The following UBE2O variants were observed in gnomAD, a reference collection of about 807,000 sequenced individuals.
UBE2O encodes ubiquitin conjugating enzyme E2 O.
Under a neutral mutation model 125.8 loss-of-function variants are expected in UBE2O, and 15 were observed. That is an observed-to-expected ratio of 0.12 (90% CI 0.08 to 0.18). UBE2O has a LOEUF of 0.18. UBE2O is among the 10% of genes least tolerant of loss of function. The pLI is 1.00. For synonymous variants in UBE2O, 708 were observed against 703.2 expected, an observed-to-expected ratio of 1.01 and a Z score of -0.11; for missense variants, 1,280 against 1,723.6, an observed-to-expected ratio of 0.74 and a Z score of 4.56.
At chr17:76,434,829 C>T (rs2072962869) in intron 1 of UBE2O, among the ~76,000 whole-genome samples, 1 of 150,940 alleles carries the variant, frequency 6.6e-6, no homozygotes, top group Admixed American at 6.6e-5. Context: ...TTGTCTCTGC[C>T]CTCACAAAGG....
At position 76,405,015 on chromosome 17, in the gene UBE2O, C is replaced by T. The variant is rs1343847300; in HGVS notation, c.588+191G>A. ...GGGTTGGGGAAGGGCACGTCCTGAC[C>T]TCATGTCTAAATGGCTTACTTGAAA... On this transcript the variant is annotated intron_variant, in intron 3 of 17. Coordinates refer to ENST00000319380, the MANE Select transcript of UBE2O (RefSeq NM_022066.4). This position sits in a 1 kb window ranked among gnomAD's most constrained non-coding sequence, Gnocchi z 6.1. Among the ~76,000 whole-genome samples, 1 of 152,100 alleles carries T rather than the reference C, an allele frequency of 6.6e-6. No individual in the cohort carries two copies. The highest frequency in any genetic ancestry group is 1.5e-5 in the Non-Finnish European group (1 of 68,026).
intron 1 of UBE2O, among the ~76,000 whole-genome samples, chr17:76,424,799 C>T (rs1022684170): frequency 5.3e-5 from 8 of 151,530 alleles, no homozygotes; most frequent in Non-Finnish European, 8.8e-5. Flanking sequence ...GCCCGGGCAA[C>T]AGAGCAAGAC....
At position 76,398,013 on chromosome 17, in the gene UBE2O, G is replaced by A; in HGVS notation, c.2026-125C>T. The A allele has an allele frequency of 2.7e-6, 3 of 1,131,210 alleles. No homozygotes were observed. The highest frequency in any genetic ancestry group is 2.1e-5 in the Admixed American group (1 of 47,628). The allele number at this position is 1,131,210 out of a possible 1,614,324, so 70.1% of individuals were successfully genotyped here. A position where few individuals can be genotyped will look rare whatever the true frequency, so the allele number is the denominator to read the frequency against. On this transcript the variant is annotated intron_variant, in intron 12 of 17. Transcript: ENST00000319380. This position sits in a 1 kb window ranked among gnomAD's most constrained non-coding sequence, Gnocchi z 5.4. ...TGTGACAAGGAACTTAGCTCCTCTGGTAAATGTAACCAGCGGCAGCTCAAG... is the reference window on the plus strand; with the variant it reads ...TGTGACAAGGAACTTAGCTCCTCTGATAAATGTAACCAGCGGCAGCTCAAG...
intron 1 of UBE2O, among the ~76,000 whole-genome samples, chr17:76,415,034 C>T (rs1452831011): frequency 6.6e-6 from 1 of 152,182 alleles, no homozygotes; most frequent in Non-Finnish European, 1.5e-5. Flanking sequence ...TCTTGTCAGG[C>T]CTGACTGGGT....
In UBE2O at chr17:76,400,267, A is replaced by C; in HGVS notation, c.1035T>G (p.Ala345=). Residue 345 remains alanine (A), a synonymous_variant, in exon 8 of 18, where the codon GCT becomes GCG. Coordinates refer to ENST00000319380, the MANE Select transcript of UBE2O (RefSeq NM_022066.4). This position sits in a 1 kb window ranked among gnomAD's most constrained non-coding sequence, Gnocchi z 4.3. ...RVKRLGCFDH[A]QRQLGERCLY... is the part of the protein sequence containing the mutation. Reference sequence around the variant, plus strand: ...GACAGCGCTCCCCAAGCTGCCGCTGAGCATGGTCAAAGCATCCGAGACGCT... The same window carrying C: ...GACAGCGCTCCCCAAGCTGCCGCTGCGCATGGTCAAAGCATCCGAGACGCT... 2 of 1,613,952 alleles carry C rather than the reference A, an allele frequency of 1.2e-6. No individual in the cohort carries two copies. The highest frequency in any genetic ancestry group is 1.7e-6 in the Non-Finnish European group (2 of 1,179,990).
Position 76,405,586 on chromosome 17 carries a change from T to C in UBE2O, c.418-14A>G. 1 of 1,583,054 alleles carries C rather than the reference T, an allele frequency of 6.3e-7. No individual in the cohort carries two copies. The highest frequency in any genetic ancestry group is 8.6e-7 in the Non-Finnish European group (1 of 1,165,800). Reference sequence around the variant, plus strand: ...CTCTAGTTTCAGCTGTAAAAGAAAATACAGGTGTGAGAGAATGGACTCTGA... The same window carrying C: ...CTCTAGTTTCAGCTGTAAAAGAAAACACAGGTGTGAGAGAATGGACTCTGA... On this transcript the variant is annotated splice_polypyrimidine_tract_variant and intron_variant, in intron 1 of 17. Transcript: ENST00000319380. The surrounding 1 kb of genome is among the most constrained non-coding windows in gnomAD (Gnocchi z 6.1).
intron 1 of UBE2O, among the ~76,000 whole-genome samples, chr17:76,413,042 A>T (rs534143189): frequency 5.6e-4 from 85 of 152,262 alleles, no homozygotes; most frequent in African/African-American, 1.9e-3. Flanking sequence ...AAAATGAAAC[A>T]AAAAAACCCA....
At position 76,430,802 on chromosome 17, in the gene UBE2O, A is replaced by C; in HGVS notation, c.417+21923T>G. 2 of 296,836 alleles carry C rather than the reference A, an allele frequency of 6.7e-6. 1 individual carries two copies. The highest frequency in any genetic ancestry group is 6.6e-5 in the South Asian group (2 of 30,140). The allele number at this position is 296,836 out of a possible 1,614,324, so 18.4% of individuals were successfully genotyped here. A position where few individuals can be genotyped will look rare whatever the true frequency, so the allele number is the denominator to read the frequency against. On this transcript the variant is annotated intron_variant, in intron 1 of 17. Coordinates refer to ENST00000319380, the MANE Select transcript of UBE2O (RefSeq NM_022066.4). ...GATCTGACAAAGGCAAAGAAGCTGC[A>C]ACATCTTTTGGCCCTTTGGGCTCAC...
chr17:76,432,412 G>A lies in UBE2O; in HGVS notation c.417+20313C>T, dbSNP rs532358244. Among the ~76,000 whole-genome samples, 202 of 152,168 alleles carry A rather than the reference G, an allele frequency of 1.3e-3. 1 individual carries two copies. The highest frequency in any genetic ancestry group is 4.5e-3 in the African/African-American group (188 of 41,500). ...GAAAGACTTATACCCAGCATGCCAC[G>A]GTACATGTGACTGGTAAATATTTGA... On this transcript the variant is annotated intron_variant, in intron 1 of 17. Coordinates refer to ENST00000319380, the MANE Select transcript of UBE2O (RefSeq NM_022066.4).
At chr17:76,449,651 G>T (rs546986248) in intron 1 of UBE2O, among the ~76,000 whole-genome samples, 259 of 152,276 alleles carry the variant, frequency 1.7e-3, no homozygotes, top group Middle Eastern at 6.8e-3. Context: ...GGGTGCGGTG[G>T]CTCCTGCCTG....
chr17:76,439,745 G>A (rs1294139719), intron 1 of UBE2O, among the ~76,000 whole-genome samples: 3 of 152,066 alleles, frequency 2.0e-5, no homozygotes, highest in Non-Finnish European at 4.4e-5. Flanking sequence ...TGGACTTCCC[G>A]CCCAGGACGC....
At position 76,430,065 on chromosome 17, in the gene UBE2O, T is replaced by C. The variant is rs551606311; in HGVS notation, c.417+22660A>G. Among the ~76,000 whole-genome samples the C allele has an allele frequency of 2.6e-5, 4 of 152,314 alleles. No individual in the cohort carries two copies. The East Asian group carries it at 5.8e-4, about 22-fold the overall frequency. Reference sequence around the variant, plus strand: ...TTATTCCCACCTTGAGTGCCACCAATTGCCTCCAATTCCTGATGCTTTCTA... The same window carrying C: ...TTATTCCCACCTTGAGTGCCACCAACTGCCTCCAATTCCTGATGCTTTCTA... On this transcript the variant is annotated intron_variant, in intron 1 of 17. Transcript: ENST00000319380.
At position 76,390,928 on chromosome 17, in the gene UBE2O, C is replaced by T. The variant is rs777456689; in HGVS notation, c.*15G>A. The T allele has an allele frequency of 1.3e-6, 2 of 1,583,086 alleles. No homozygotes were observed. Among genetic ancestry groups the T allele is most frequent in the Non-Finnish European group, 8.6e-7 (1 of 1,165,358 alleles). On this transcript the variant is annotated 3_prime_UTR_variant, in exon 18 of 18. Coordinates refer to ENST00000319380, the MANE Select transcript of UBE2O (RefSeq NM_022066.4). ...GCCTCTCCCACGGTGATGCTCTTTCCTCTGTGCCTGGCAGCTACTTGTCCT... is the reference window on the plus strand; with the variant it reads ...GCCTCTCCCACGGTGATGCTCTTTCTTCTGTGCCTGGCAGCTACTTGTCCT...
At chr17:76,397,972 T>C in intron 12 of UBE2O, 84 bp from the exon 13 acceptor site, 1 of 1,441,770 alleles carries the variant, frequency 6.9e-7, no homozygotes, top group East Asian at 2.3e-5. Context: ...GTGACTGACA[T>C]CATGCCCACC....
intron 1 of UBE2O, among the ~76,000 whole-genome samples, chr17:76,425,737 T>C (rs1258061003): frequency 3.9e-5 from 6 of 152,246 alleles, no homozygotes; most frequent in East Asian, 1.9e-4. Flanking sequence ...ATTGATACTT[T>C]TGTCAAATAC....
rs1301491179 is a variant in UBE2O at position 76,407,550 on chromosome 17, T to TG, written c.418-1979dup. Among the ~76,000 whole-genome samples, 6 of 152,274 alleles carry TG rather than the reference T, an allele frequency of 3.9e-5. No individual in the cohort carries two copies. The South Asian group carries it at 1.2e-3, about 32-fold the overall frequency. Reference sequence around the variant, plus strand: ...TGGCAGGAGGGCTGCCTCCACCACTTGGGGGTCCCTGAGAGAGCAGCCAGG... The same window carrying TG: ...TGGCAGGAGGGCTGCCTCCACCACTTGGGGGGTCCCTGAGAGAGCAGCCAGG... On this transcript the variant is annotated intron_variant, in intron 1 of 17. Coordinates refer to ENST00000319380, the MANE Select transcript of UBE2O (RefSeq NM_022066.4).
intron 1 of UBE2O, among the ~76,000 whole-genome samples, chr17:76,417,267 G>A (rs1206777472): frequency 6.6e-6 from 1 of 152,218 alleles, no homozygotes; most frequent in African/African-American, 2.4e-5. Context: ...CAGGCCAGCC[G>A]AAAGTCAACG....
Position 76,397,338 on chromosome 17 carries a change from G to A in UBE2O, c.2115+461C>T, listed in dbSNP as rs78352481. Among the ~76,000 whole-genome samples, 629 of 152,340 alleles carry A rather than the reference G, an allele frequency of 4.1e-3. 4 individuals carry two copies. Among genetic ancestry groups the A allele is most frequent in the Non-Finnish European group, 6.2e-3 (421 of 68,034 alleles). ...GTGTGGACCAGGAGAGGAGAGCTGGGCTGTGTGGCTCCAACCAGGAGGCGA... is the reference window on the plus strand; with the variant it reads ...GTGTGGACCAGGAGAGGAGAGCTGGACTGTGTGGCTCCAACCAGGAGGCGA... On this transcript the variant is annotated intron_variant, in intron 13 of 17. Transcript: ENST00000319380.
In UBE2O at chr17:76,413,255, A is replaced by G. The variant is rs545027572; in HGVS notation, c.418-7683T>C. On this transcript the variant is annotated intron_variant, in intron 1 of 17. Transcript: ENST00000319380. ...CAGTGACATTCACCCCCATCCCACAATGTTAATGCAGCTTGATGGCCTGAG... is the reference window on the plus strand; with the variant it reads ...CAGTGACATTCACCCCCATCCCACAGTGTTAATGCAGCTTGATGGCCTGAG... Among the ~76,000 whole-genome samples the G allele has an allele frequency of 6.9e-4, 105 of 152,334 alleles. 1 individual carries two copies. The Middle Eastern group carries it at 0.01, about 15-fold the overall frequency.
Sources: gnomAD v4.1 joint callset for allele counts (sites outside exome capture counted in the v4.1 genomes callset) on GRCh38, gnomAD v4.1.1 for gene constraint, Gnocchi (gnomAD v3.1) non-coding constraint, MANE v1.5 for transcripts, NCBI Gene and HGNC (gene_info 2026-07-23, HGNC 2026-07-21) for gene names.